The following CAMSAP2 variants were observed in gnomAD, a reference collection of about 807,000 sequenced individuals.
The protein encoded by CAMSAP2 is calmodulin-regulated spectrin-associated protein 2.
In CAMSAP2, 26 loss-of-function variants were observed where a neutral mutation model predicts 146.1. The ratio of observed to expected loss-of-function variants is 0.18; its 90% confidence interval spans 0.13 to 0.25. The LOEUF is 0.25. Among genes scored for constraint, CAMSAP2 ranks in the 10% least tolerant of loss-of-function variants. CAMSAP2 has a pLI of 1.00. For synonymous variants in CAMSAP2, 499 were observed against 596.6 expected (o/e 0.84, Z 2.38); for missense variants, 1,381 against 1,759.3 (o/e 0.78, Z 3.85).
At chr1:200,814,631 AAAAC>A (rs753215817) in intron 3 of CAMSAP2, among the ~76,000 whole-genome samples, 30,324 of 72,758 alleles carry the variant, frequency 0.42, 4,229 homozygotes, top group Non-Finnish European at 0.45. Context: ...AAAAAAAAAA[AAAAC>A]AAGAAGAAGA....
intron 6 of CAMSAP2, among the ~76,000 whole-genome samples, chr1:200,833,460 TGAGGTAG>T (rs1357637968): frequency 1.3e-5 from 2 of 151,684 alleles, no homozygotes; most frequent in African/African-American, 4.9e-5. Context: ...ACTCGAAGGC[TGAGGTAG>T]GAGGATTGCT....
intron 2 of CAMSAP2, among the ~76,000 whole-genome samples, chr1:200,792,000 T>A (rs1665767730): frequency 6.6e-6 from 1 of 152,250 alleles, no homozygotes; most frequent in Admixed American, 6.5e-5. Flanking sequence ...ATAATTTTTT[T>A]ATTTAACTAT....
rs1002841563 is a variant in CAMSAP2 at position 200,759,528 on chromosome 1, C to T, written c.140-1311C>T. Among the ~76,000 whole-genome samples the T allele has an allele frequency of 3.3e-5, 5 of 152,120 alleles. No individual in the cohort carries two copies. The East Asian group carries it at 5.8e-4, about 18-fold the overall frequency. On this transcript the variant is annotated intron_variant, in intron 1 of 16. Transcript: ENST00000358823. ...CTGACCTCAGGTGATCTGCCCACTT[C>T]GACCTCCCAAAGTGCTGGGATTACG...
chr1:200,753,677 A>T lies in CAMSAP2; in HGVS notation c.140-7162A>T, dbSNP rs575873222. On this transcript the variant is annotated intron_variant, in intron 1 of 16. Coordinates refer to ENST00000358823, the MANE Select transcript of CAMSAP2 (RefSeq NM_203459.4). ...GGAGACCATCTCCTAAACCCCTACT[A>T]CTTCTGCCCTCTGGTGCACCCTATC... Among the ~76,000 whole-genome samples the T allele has an allele frequency of 1.4e-3, 213 of 152,116 alleles. 1 individual carries two copies. The highest frequency in any genetic ancestry group is 3.1e-3 in the Admixed American group (47 of 15,276).
At chr1:200,748,052 A>C (rs1664391618) in intron 1 of CAMSAP2, among the ~76,000 whole-genome samples, 1 of 151,984 alleles carries the variant, frequency 6.6e-6, no homozygotes, top group Non-Finnish European at 1.5e-5. Flanking sequence ...GTACCACACC[A>C]TTCAGAGCTC....
intron 2 of CAMSAP2, among the ~76,000 whole-genome samples, chr1:200,786,615 C>T (rs554704909): frequency 6.6e-6 from 1 of 152,330 alleles, no homozygotes; most frequent in South Asian, 2.1e-4. Context: ...AACTCGACCT[C>T]AGGTGATCCA....
At chr1:200,829,072 T>C (rs560096306) in intron 4 of CAMSAP2, among the ~76,000 whole-genome samples, 1 of 152,216 alleles carries the variant, frequency 6.6e-6, no homozygotes, top group Admixed American at 6.5e-5. Context: ...GGAGAATCGC[T>C]TGAACCAGGG....
intron 4 of CAMSAP2, among the ~76,000 whole-genome samples, chr1:200,828,371 CA>C (rs1666956570): frequency 6.6e-6 from 1 of 152,052 alleles, no homozygotes; most frequent in Non-Finnish European, 1.5e-5. Context: ...AGGAGAGAGA[CA>C]GGAGAAGATA....
At chr1:200,816,643 C>CAT (rs1203561655) in intron 4 of CAMSAP2, among the ~76,000 whole-genome samples, 1 of 142,032 alleles carries the variant, frequency 7.0e-6, no homozygotes, top group Non-Finnish European at 1.5e-5. Flanking sequence ...TATACACACA[C>CAT]ATATATATGC....
intron 11 of CAMSAP2, 36 bp from the exon 12 acceptor site, chr1:200,852,505 A>C: frequency 6.3e-7 from 1 of 1,596,394 alleles, no homozygotes; most frequent in South Asian, 1.1e-5. Flanking sequence ...TTGGTACCTA[A>C]AATGTTTGAT....
chr1:200,850,298 T>G lies in CAMSAP2; in HGVS notation c.3465+64T>G, dbSNP rs1571831824. On this transcript the variant is annotated intron_variant, in intron 11 of 16. Coordinates refer to ENST00000358823, the MANE Select transcript of CAMSAP2 (RefSeq NM_203459.4). The stretch of plus-strand genomic sequence containing the variant: ...AGATGAGTGTGGTTGTGTTGGATAT[T>G]TTTTTTTTCAGTTGACATGCTTGCT... 1.0e-5 allele frequency: 14 copies of G among 1,377,556 alleles called. No individual in the cohort carries two copies. The East Asian group carries it at 3.3e-4, about 32-fold the overall frequency. 85.3% of individuals were successfully genotyped at this position (1,377,556 alleles called of 1,614,324 possible).
At chr1:200,845,564 A>T (rs746013057) in intron 8 of CAMSAP2, among the ~76,000 whole-genome samples, 27 of 152,314 alleles carry the variant, frequency 1.8e-4, no homozygotes, top group Middle Eastern at 6.8e-3. Flanking sequence ...GCATGTATAG[A>T]AAATGCGGAA....
In CAMSAP2 at chr1:200,848,867, A is replaced by C. The variant is rs1667535170; in HGVS notation, c.2098A>C (p.Thr700Pro). The change falls in exon 11 of 17, where the codon ACC (threonine) becomes CCC (proline). Residue 700 changes from threonine to proline, a missense_variant. Transcript: ENST00000358823. ...AEQKFRKLNH[T>P]DGKSSGSSSQ... is the part of the protein sequence containing the mutation. ...ACAAAAATTCAGGAAACTGAATCAT[A>C]CCGATGGAAAAAGTAGTGGAAGCAG... is the stretch of plus-strand genomic sequence containing the variant. The C allele has an allele frequency of 1.2e-6, 2 of 1,614,068 alleles. No homozygotes were observed. The highest frequency in any genetic ancestry group is 1.7e-6 in the Non-Finnish European group (2 of 1,180,020).
chr1:200,756,388 G>C (rs918061869), intron 1 of CAMSAP2, among the ~76,000 whole-genome samples: 1 of 152,088 alleles, frequency 6.6e-6, no homozygotes, highest in African/African-American at 2.4e-5. Context: ...AGGAGGTGGA[G>C]GTTGCAGTGA....
At chr1:200,763,761 G>C (rs1014131035) in intron 2 of CAMSAP2, among the ~76,000 whole-genome samples, 1 of 152,020 alleles carries the variant, frequency 6.6e-6, no homozygotes, top group African/African-American at 2.4e-5. Context: ...CAGATTACTA[G>C]TAAAAAGTTG....
intron 6 of CAMSAP2, among the ~76,000 whole-genome samples, chr1:200,838,182 A>G (rs1667230770): frequency 6.6e-6 from 1 of 152,162 alleles, no homozygotes; most frequent in African/African-American, 2.4e-5. Context: ...AAATAGTACA[A>G]TTAATGTTAT....
intron 2 of CAMSAP2, among the ~76,000 whole-genome samples, chr1:200,785,532 G>A (rs1175746594): frequency 6.6e-6 from 1 of 151,022 alleles, no homozygotes; most frequent in African/African-American, 2.4e-5. Flanking sequence ...GGGATTACAG[G>A]TGTCCCCCCA....
chr1:200,751,942 G>A (rs1664517649), intron 1 of CAMSAP2, among the ~76,000 whole-genome samples: 1 of 152,176 alleles, frequency 6.6e-6, no homozygotes, highest in African/African-American at 2.4e-5. Flanking sequence ...CAGAGTTGTG[G>A]TTTACTGACG....
intron 4 of CAMSAP2, among the ~76,000 whole-genome samples, chr1:200,822,282 C>T (rs980384696): frequency 2.6e-5 from 4 of 152,008 alleles, no homozygotes; most frequent in East Asian, 1.9e-4. Context: ...ATTTCCATAA[C>T]GACAGTACAG....
Sources: allele counts gnomAD v4.1 joint callset (sites outside exome capture counted in the v4.1 genomes callset), GRCh38; gene constraint gnomAD v4.1.1; transcripts MANE v1.5; gene names NCBI Gene and HGNC (gene_info 2026-07-23, HGNC 2026-07-21).